The following SLC14A2 variants were observed in gnomAD, a reference collection of about 807,000 sequenced individuals.
The protein encoded by SLC14A2 is urea transporter 2.
Under a neutral mutation model 104.6 loss-of-function variants are expected in SLC14A2, and 91 were observed. The observed-to-expected ratio is 0.87, with a 90% CI of 0.73 to 1.04. SLC14A2 has a LOEUF of 1.04. Among genes scored for constraint, SLC14A2 ranks in the 50% least tolerant of loss-of-function variants. SLC14A2 has a pLI of 0.00. For missense variants in SLC14A2, 1,189 were observed against 1,156.0 expected, an observed-to-expected ratio of 1.03 and a Z score of -0.41; for synonymous variants, 476 against 466.4, an observed-to-expected ratio of 1.02 and a Z score of -0.27.
chr18:45,491,025 A>G (rs1032602461), intron 2 of SLC14A2, among the ~76,000 whole-genome samples: 1 of 152,206 alleles, frequency 6.6e-6, no homozygotes, highest in South Asian at 2.1e-4. Flanking sequence ...AATTGTTTTT[A>G]TCTCTTTAGA....
intron 2 of SLC14A2, among the ~76,000 whole-genome samples, chr18:45,504,213 G>A (rs2043245869): frequency 6.6e-6 from 1 of 152,124 alleles, no homozygotes; most frequent in South Asian, 2.1e-4. Flanking sequence ...AAACTTTCCA[G>A]CAAACAATAC....
At chr18:45,254,633 A>G (rs186799528) in intron 1 of SLC14A2, among the ~76,000 whole-genome samples, 1 of 151,116 alleles carries the variant, frequency 6.6e-6, no homozygotes, top group Admixed American at 6.6e-5. Flanking sequence ...AAGAATCCAC[A>G]CTCCCTTGTC....
At chr18:45,191,431 C>A in the SLC14A2 span, among the ~76,000 whole-genome samples, 1 of 152,156 alleles carries the variant, frequency 6.6e-6, no homozygotes, top group African/African-American at 2.4e-5. Context: ...AATAGGAATG[C>A]CCAAGGTAGA....
chr18:45,382,058 G>T (rs2085844197), intron 1 of SLC14A2, among the ~76,000 whole-genome samples: 1 of 152,252 alleles, frequency 6.6e-6, no homozygotes, highest in South Asian at 2.1e-4. Flanking sequence ...CCAATATTCA[G>T]GGCCTCAATC....
chr18:45,614,670 C>T (rs2144464147), upstream of SLC14A2: 1 of 152,248 alleles, frequency 6.6e-6, no homozygotes, highest in Non-Finnish European at 1.5e-5. Flanking sequence ...ATGACTGCAC[C>T]ACTGGATTTT....
chr18:45,250,751 C>CTGACTTTTTTTTTTTTTTTTTTTTT lies in SLC14A2; in HGVS notation c.-125+37561_-125+37562insGACTTTTTTTTTTTTTTTTTTTTTT, dbSNP rs1165070845. On this transcript the variant is annotated intron_variant, in intron 1 of 20. Transcript: ENST00000586448. The stretch of plus-strand genomic sequence containing the variant: ...AACTGAATCCTCTGGCTAGTGGCTT[C>CTGACTTTTTTTTTTTTTTTTTTTTT]TTCCTTTTTTTTTTTTTTTTTTTTT... 6.8e-4 allele frequency among the ~76,000 whole-genome samples: 78 copies of CTGACTTTTTTTTTTTTTTTTTTTTT among 113,886 alleles called. 5 individuals carry two copies. Among genetic ancestry groups the CTGACTTTTTTTTTTTTTTTTTTTTT allele is most frequent in the African/African-American group, 1.5e-3 (39 of 25,524 alleles). The allele number at this position is 113,886 out of a possible 152,430, so 74.7% of individuals were successfully genotyped here.
At chr18:45,552,761 G>A (rs1035410546) in intron 2 of SLC14A2, among the ~76,000 whole-genome samples, 1 of 152,196 alleles carries the variant, frequency 6.6e-6, no homozygotes, top group African/African-American at 2.4e-5. Flanking sequence ...AGCAGCCAGT[G>A]CAAAAGACGT....
At chr18:45,613,026 T>C (rs1455600853), upstream of SLC14A2, among the ~76,000 whole-genome samples, 1 of 74,128 alleles carries the variant, frequency 1.3e-5, no homozygotes, top group Non-Finnish European at 2.6e-5. Flanking sequence ...TACCCAGTCT[T>C]TGGCAGTTTT....
the SLC14A2 span, among the ~76,000 whole-genome samples, chr18:45,204,892 T>G: frequency 6.6e-6 from 1 of 151,860 alleles, no homozygotes; most frequent in Non-Finnish European, 1.5e-5. Flanking sequence ...ACACTCCACC[T>G]ATGCTAATGT....
intron 1 of SLC14A2, among the ~76,000 whole-genome samples, chr18:45,273,367 A>G (rs983655522): frequency 7.9e-5 from 12 of 152,266 alleles, no homozygotes; most frequent in Admixed American, 7.9e-4. Context: ...TTCACTGTAG[A>G]CAGGAAAATG....
At chr18:45,190,907 G>T in the SLC14A2 span, among the ~76,000 whole-genome samples, 19 of 152,252 alleles carry the variant, frequency 1.2e-4, 1 homozygote, top group Non-Finnish European at 1.0e-4. Context: ...TCAATTTTCT[G>T]CTACTCCATG....
chr18:45,234,380 G>A (rs1043705702), intron 1 of SLC14A2, among the ~76,000 whole-genome samples: 1 of 152,132 alleles, frequency 6.6e-6, no homozygotes, highest in Non-Finnish European at 1.5e-5. Flanking sequence ...TACCTATTGG[G>A]CATCTGTTAA....
intron 1 of SLC14A2, among the ~76,000 whole-genome samples, chr18:45,479,444 C>T (rs897565828): frequency 6.6e-6 from 1 of 152,162 alleles, no homozygotes; most frequent in Admixed American, 6.5e-5. Context: ...CTTGATCTTC[C>T]TTGCAACAGC....
At chr18:45,572,812 GATTTCTCGA>G (rs1343496951) in intron 2 of SLC14A2, among the ~76,000 whole-genome samples, 8 of 152,164 alleles carry the variant, frequency 5.3e-5, no homozygotes, top group Non-Finnish European at 8.8e-5. Flanking sequence ...TGGAAATCAA[GATTTCTCGA>G]TTGTGCAACC....
intron 1 of SLC14A2, among the ~76,000 whole-genome samples, chr18:45,349,131 G>A (rs994718787): frequency 3.3e-5 from 5 of 152,218 alleles, no homozygotes; most frequent in African/African-American, 1.2e-4. Flanking sequence ...TCGCTTTCTT[G>A]TTCATAAAGG....
intron 2 of SLC14A2, among the ~76,000 whole-genome samples, chr18:45,496,526 T>C (rs1488504106): frequency 6.6e-6 from 1 of 152,162 alleles, no homozygotes; most frequent in Non-Finnish European, 1.5e-5. Context: ...ATCCCAACAC[T>C]TTAGGAAGCT....
In SLC14A2 at chr18:45,583,074, A is replaced by T. The variant is rs926988608; in HGVS notation, c.-34-41557A>T. ...ATTCCAATTATCCTTTGCTGGAAAG[A>T]GACATTGGAGAAGGGAAGCAGGAAG... is the stretch of plus-strand genomic sequence containing the variant. On this transcript the variant is annotated intron_variant, in intron 2 of 20. Coordinates refer to the SLC14A2 transcript ENST00000586448. 2.0e-5 allele frequency among the ~76,000 whole-genome samples: 3 copies of T among 152,246 alleles called. No individual in the cohort carries two copies. The East Asian group carries it at 5.8e-4, about 29-fold the overall frequency.
intron 1 of SLC14A2, among the ~76,000 whole-genome samples, chr18:45,462,989 G>A (rs1224101828): frequency 1.3e-5 from 2 of 152,040 alleles, no homozygotes; most frequent in Non-Finnish European, 2.9e-5. Context: ...TTAACTTTTT[G>A]TTTCCCTCGG....
At chr18:45,668,798 G>A (rs1035270555) in intron 15 of SLC14A2, among the ~76,000 whole-genome samples, 1 of 152,178 alleles carries the variant, frequency 6.6e-6, no homozygotes, top group African/African-American at 2.4e-5. Context: ...TCAGTTTCTG[G>A]AAATCTTTTC....
Sources: allele counts gnomAD v4.1 joint callset (sites outside exome capture counted in the v4.1 genomes callset), GRCh38; gene constraint gnomAD v4.1.1; transcripts MANE v1.5; gene names NCBI Gene and HGNC (gene_info 2026-07-23, HGNC 2026-07-21).